LRRC37B: variants seen among roughly 807,000 people sequenced by gnomAD.
The protein encoded by LRRC37B is leucine-rich repeat-containing protein 37B.
LRRC37B carries 28 observed loss-of-function variants against 98.3 expected under a neutral mutation model. That is an observed-to-expected ratio of 0.28 (90% CI 0.21 to 0.39). LRRC37B has a LOEUF of 0.39. Ranked by LOEUF, LRRC37B falls within the 10% of genes least tolerant of loss-of-function variation. The pLI is 1.00. For synonymous variants in LRRC37B, 364 were observed against 442.7 expected (o/e 0.82, Z 2.23); for missense variants, 938 against 1,182.7 (o/e 0.79, Z 3.03).
At chr17:32,052,109 G>C (rs1598216739) in intron 11 of LRRC37B, 2 of 151,870 alleles carry the variant, frequency 1.3e-5, no homozygotes, top group South Asian at 4.2e-4. Context: ...GGCTTCTTTG[G>C]CTAACATTTA....
chr17:32,047,623 G>A (rs1911625817), intron 8 of LRRC37B, 138 bp from the exon 12 acceptor site: 1 of 1,265,366 alleles, frequency 7.9e-7, no homozygotes, highest in Non-Finnish European at 1.1e-6. Context: ...AGGTTTGGGT[G>A]TATGTTTCTC....
At chr17:32,016,142 G>A (rs1331365687), upstream of LRRC37B, among the ~76,000 whole-genome samples, 2 of 152,198 alleles carry the variant, frequency 1.3e-5, no homozygotes, top group Non-Finnish European at 2.9e-5. Context: ...GAACATCCAT[G>A]TAGATCCTTC....
At chr17:32,048,423 C>T (rs1213200034) in intron 9 of LRRC37B, among the ~76,000 whole-genome samples, 1 of 149,966 alleles carries the variant, frequency 6.7e-6, no homozygotes, top group African/African-American at 2.5e-5. Flanking sequence ...TACACCAAGC[C>T]TTCATTCACC....
At chr17:32,046,062 G>C (rs1171383548) in intron 8 of LRRC37B, among the ~76,000 whole-genome samples, 1 of 152,052 alleles carries the variant, frequency 6.6e-6, no homozygotes, top group Middle Eastern at 3.2e-3. Flanking sequence ...AAATGGGAAG[G>C]CTAGGGAATA....
exon 1 of LRRC37B, chr17:32,022,110 C>T (rs1383056245): frequency 1.2e-6 from 2 of 1,613,726 alleles, no homozygotes; most frequent in East Asian, 2.2e-5. Flanking sequence ...TCCACTGAAT[C>T]ATGAAGTGAC....
At chr17:32,046,609 T>C (rs540561257) in intron 8 of LRRC37B, among the ~76,000 whole-genome samples, 251 of 151,476 alleles carry the variant, frequency 1.7e-3, no homozygotes, top group Non-Finnish European at 2.7e-3. Context: ...CTTTTTTTTT[T>C]TTTTTTTTAC....
At chr17:32,012,436 G>C (rs776856409) in intron 1 of LRRC37B, among the ~76,000 whole-genome samples, 3 of 152,122 alleles carry the variant, frequency 2.0e-5, no homozygotes, top group Non-Finnish European at 4.4e-5. Flanking sequence ...CCATTATTTG[G>C]CCAGGCATGG....
chr17:32,031,552 T>G (rs1030965647), intron 5 of LRRC37B, 94 bp downstream of exon 8: 4 of 1,216,820 alleles, frequency 3.3e-6, no homozygotes, highest in Non-Finnish European at 4.4e-6. Flanking sequence ...CATTATGAAC[T>G]CTGAAAAGTG....
intron 4 of LRRC37B, 99 bp from the exon 8 acceptor site, chr17:32,031,279 A>T: frequency 6.5e-7 from 1 of 1,533,604 alleles, no homozygotes; most frequent in Non-Finnish European, 8.8e-7. Context: ...CAGAGAAAAG[A>T]TTGAGGTGAT....
chr17:32,034,504 C>CAAAAAA (rs35735718), intron 5 of LRRC37B, among the ~76,000 whole-genome samples: 2 of 43,916 alleles, frequency 4.6e-5, no homozygotes, highest in South Asian at 7.8e-4. Context: ...ACTCCATCTC[C>CAAAAAA]AAAAAAAAAA....
Position 32,022,188 on chromosome 17 carries a change from G to A in LRRC37B, c.1123G>A (p.Val375Met), listed in dbSNP as rs377312057. ...CAAGTTTACAGTCAAACCTGCAGAT[G>A]TGGAGGTTACCATGACTTCAGAGCC... is the stretch of plus-strand genomic sequence containing the variant. The change falls in exon 1 of 12, where the codon GTG becomes ATG. Residue 375 changes from valine (V) to methionine (M), a missense_variant. Physicochemically the swap from Val to Met is conservative, Grantham distance 21 (BLOSUM62 1). Coordinates refer to ENST00000327564, the Ensembl canonical transcript of LRRC37B. 120 of 1,613,900 alleles carry A rather than the reference G, an allele frequency of 7.4e-5. No homozygotes were observed. Among genetic ancestry groups the A allele is most frequent in the Non-Finnish European group, 9.9e-5 (117 of 1,179,842 alleles).
chr17:32,025,091 C>T (rs1910916331), intron 2 of LRRC37B, among the ~76,000 whole-genome samples: 1 of 103,082 alleles, frequency 9.7e-6, no homozygotes, highest in Non-Finnish European at 1.8e-5. Flanking sequence ...GGCTGGAGTG[C>T]AGTGGCATAA....
At chr17:32,033,395 GAGAAAGAA>G (rs777661988) in intron 5 of LRRC37B, among the ~76,000 whole-genome samples, 3 of 151,798 alleles carry the variant, frequency 2.0e-5, no homozygotes, top group East Asian at 1.9e-4. Flanking sequence ...AGGAAAGAAA[GAGAAAGAA>G]AGAAAGAAAG....
chr17:32,033,986 G>C (rs1234719033), intron 5 of LRRC37B: 1 of 152,140 alleles, frequency 6.6e-6, no homozygotes, highest in Non-Finnish European at 1.5e-5. Flanking sequence ...GGAGCTGATA[G>C]CCCAGGAGAC....
Position 32,008,029 on chromosome 17 carries a change from T to C in LRRC37B, c.-294T>C. On this transcript the variant is annotated 5_prime_UTR_variant, in exon 1 of 15. The change abolishes an upstream ATG in the 5' untranslated region. Transcript: ENST00000543378. ...AGGAGTCTGAGGACAACTAGGAGGA[T>C]GACATGGAGGAGGACGACGATGACT... The C allele has an allele frequency of 1.9e-6, 1 of 517,952 alleles. No individual in the cohort carries two copies. The highest frequency in any genetic ancestry group is 3.7e-6 in the Non-Finnish European group (1 of 270,506). The allele number at this position is 517,952 out of a possible 1,614,324, so 32.1% of individuals were successfully genotyped here.
At chr17:32,049,461 A>C in intron 10 of LRRC37B, 67 bp downstream of exon 13, 1 of 1,505,522 alleles carries the variant, frequency 6.6e-7, no homozygotes, top group Middle Eastern at 1.8e-4. Flanking sequence ...GAGAGTGCCC[A>C]CATAGGAGAA....
intron 11 of LRRC37B, chr17:32,050,470 A>G (rs1298799283): frequency 3.9e-5 from 10 of 257,810 alleles, no homozygotes; most frequent in Admixed American, 2.5e-4. Flanking sequence ...GATGAGAGAC[A>G]TATAATCTCC....
rs771060521 is a variant in LRRC37B, at chr17:32,034,892, T to C, written c.2058-18T>C. 6 of 1,596,464 alleles carry C rather than the reference T, an allele frequency of 3.8e-6. No homozygotes were observed. In the South Asian group the frequency reaches 5.6e-5, roughly 15 times the overall value. On this transcript the variant is annotated intron_variant, in intron 5 of 11. Transcript: ENST00000327564. ...ACATTGAAAATGCAGGTAATTTTAA[T>C]TTCATTGCATTTTTCAGAATTCTCA... is the stretch of plus-strand genomic sequence containing the variant.
In LRRC37B at chr17:32,039,549, TATATATA is replaced by T. The variant is rs1414599531; in HGVS notation, c.2204+3911_2204+3917del. Among the ~76,000 whole-genome samples, 31 of 119,334 alleles carry T rather than the reference TATATATA, an allele frequency of 2.6e-4. 1 individual carries two copies. Among genetic ancestry groups the T allele is most frequent in the African/African-American group, 1.1e-3 (29 of 25,690 alleles). 78.3% of individuals were successfully genotyped at this position (119,334 alleles called of 152,430 possible). A position where few individuals can be genotyped will look rare whatever the true frequency, so the allele number is the denominator to read the frequency against. On this transcript the variant is annotated intron_variant, in intron 7 of 11. Transcript: ENST00000327564. ...GTATGTATTTTTATATATATTTCTA[TATATATA>T]TTCTATATATATATTTCTATATATA... is the stretch of plus-strand genomic sequence containing the variant.
Sources: gnomAD v4.1 joint callset for allele counts (sites outside exome capture counted in the v4.1 genomes callset) on GRCh38, gnomAD v4.1.1 for gene constraint, MANE v1.5 for transcripts, NCBI Gene and HGNC (gene_info 2026-07-23, HGNC 2026-07-21) for gene names.